The following ZNF292 variants were observed in gnomAD, a reference collection of about 807,000 sequenced individuals.
ZNF292 encodes the protein zinc finger protein 292.
ZNF292 carries 26 observed loss-of-function variants against 217.9 expected under a neutral mutation model. That is an observed-to-expected ratio of 0.12 (90% confidence interval 0.09 to 0.17). The LOEUF (loss-of-function observed/expected upper bound fraction) is 0.17, where lower values mean the gene tolerates loss of function less well. Ranked by LOEUF, ZNF292 falls within the 10% of genes least tolerant of loss-of-function variation. The pLI, the probability that ZNF292 is intolerant of heterozygous loss-of-function variation, is 1.00. For synonymous variants in ZNF292, 1,257 were observed against 1,124.1 expected (o/e 1.12, Z -2.37); for missense variants, 2,904 against 3,175.2 (o/e 0.91, Z 2.05).
intron 1 of ZNF292, among the ~76,000 whole-genome samples, chr6:87,191,111 T>A (rs1013022698): frequency 2.0e-5 from 3 of 152,166 alleles, no homozygotes; most frequent in African/African-American, 7.2e-5. Flanking sequence ...TGGTCATGAT[T>A]CCATATCAGT....
chr6:87,215,800 A>T, intron 1 of ZNF292, 103 bp from the exon 2 acceptor site: 1 of 815,970 alleles, frequency 1.2e-6, no homozygotes. Context: ...TTTTATAAAT[A>T]AAAATCTGTA....
chr6:87,258,307 T>C lies in ZNF292; in HGVS notation c.4678T>C (p.Ser1560Pro). 1 of 1,613,546 alleles carries C rather than the reference T, an allele frequency of 6.2e-7. No individual in the cohort carries two copies. Among genetic ancestry groups the C allele is most frequent in the Non-Finnish European group, 8.5e-7 (1 of 1,179,752 alleles). ...QNRTSNSKTS[S>P]IEECSSLPVF... ...TAGGACGTCAAACTCCAAAACTTCC[T>C]CCATTGAGGAATGTAGCAGCTTGCC... is the stretch of plus-strand genomic sequence containing the variant. The change falls in exon 8 of 8, where the codon TCC (serine) becomes CCC (proline). Residue 1560 changes from serine to proline, a missense_variant. By Grantham distance (74) the Ser-to-Pro change is moderately conservative. This residue lies in a region of ZNF292 where 622 missense variants were observed against 573.1 expected (regional missense o/e 1.09). Transcript: ENST00000369577.
chr6:87,159,479 C>G (rs1000408027), intron 1 of ZNF292, among the ~76,000 whole-genome samples: 4 of 148,324 alleles, frequency 2.7e-5, no homozygotes, highest in African/African-American at 9.9e-5. Context: ...CCTCCTGTCT[C>G]AGCTTTCTTT....
chr6:87,253,306 G>A (rs1775032251), intron 7 of ZNF292, among the ~76,000 whole-genome samples: 2 of 143,942 alleles, frequency 1.4e-5, no homozygotes, highest in Non-Finnish European at 3.0e-5. Context: ...TCTGCTCACT[G>A]CAGCCTCAGC....
At chr6:87,211,368 T>C (rs1185957513) in intron 1 of ZNF292, among the ~76,000 whole-genome samples, 2 of 152,218 alleles carry the variant, frequency 1.3e-5, no homozygotes, top group East Asian at 3.9e-4. Flanking sequence ...ATTTGTGAAT[T>C]TGGCTAATTT....
intron 1 of ZNF292, among the ~76,000 whole-genome samples, chr6:87,214,813 C>A (rs1186613226): frequency 6.6e-6 from 1 of 152,056 alleles, no homozygotes; most frequent in East Asian, 1.9e-4. Flanking sequence ...CTATTGCTTT[C>A]GTCTAATCAC....
chr6:87,164,136 A>G (rs978428775), intron 1 of ZNF292, among the ~76,000 whole-genome samples: 2 of 152,182 alleles, frequency 1.3e-5, no homozygotes, highest in Admixed American at 6.5e-5. Flanking sequence ...ACTGTTCACA[A>G]GTCAGTGGGT....
At chr6:87,250,033 A>C (rs924411762) in intron 7 of ZNF292, among the ~76,000 whole-genome samples, 3 of 144,000 alleles carry the variant, frequency 2.1e-5, no homozygotes, top group East Asian at 2.0e-4. Flanking sequence ...TAAAAAAAAA[A>C]AAACAAAAAA....
intron 1 of ZNF292, among the ~76,000 whole-genome samples, chr6:87,180,391 G>A (rs1185348296): frequency 1.3e-5 from 2 of 151,588 alleles, no homozygotes; most frequent in Admixed American, 6.6e-5. Flanking sequence ...GTGTGGCTAT[G>A]GATATCCAGG....
At chr6:87,206,652 A>C (rs1351958366) in intron 1 of ZNF292, among the ~76,000 whole-genome samples, 1 of 152,192 alleles carries the variant, frequency 6.6e-6, no homozygotes, top group African/African-American at 2.4e-5. Flanking sequence ...CATTTGTCCC[A>C]ATAATATTCT....
chr6:87,247,659 T>C (rs1264447715), intron 7 of ZNF292, among the ~76,000 whole-genome samples: 1 of 152,216 alleles, frequency 6.6e-6, no homozygotes, highest in Non-Finnish European at 1.5e-5. Flanking sequence ...AAAGCCCTGC[T>C]TTAACATGAG....
chr6:87,165,013 T>G (rs751311177), intron 1 of ZNF292, among the ~76,000 whole-genome samples: 51 of 151,780 alleles, frequency 3.4e-4, no homozygotes, highest in Non-Finnish European at 6.0e-4. Flanking sequence ...TCCGCCCGCC[T>G]CAGCCTCCCA....
At chr6:87,226,465 T>G (rs1431702239) in intron 4 of ZNF292, among the ~76,000 whole-genome samples, 1 of 151,628 alleles carries the variant, frequency 6.6e-6, no homozygotes, top group Non-Finnish European at 1.5e-5. Flanking sequence ...GTAAATAGGG[T>G]GAGGTCAGAT....
intron 2 of ZNF292, 40 bp downstream of exon 2, chr6:87,216,097 A>G (rs576941117): frequency 7.2e-7 from 1 of 1,385,004 alleles, no homozygotes; most frequent in East Asian, 2.3e-5. Context: ...ATTTAGCTTT[A>G]AAAATACATA....
rs146758350 is a variant in ZNF292, at chr6:87,198,793, G to A, written c.169-17110G>A. Among the ~76,000 whole-genome samples the A allele has an allele frequency of 1.7e-3, 260 of 152,306 alleles. 2 individuals are homozygous for A. The highest frequency in any genetic ancestry group is 5.3e-3 in the African/African-American group (219 of 41,580). On this transcript the variant is annotated intron_variant, in intron 1 of 7. Transcript: ENST00000369577. ...CCTTGGGTTGCGTCTCATAAACACA[G>A]CAGAATACATGAATATTCTTACTAA...
intron 1 of ZNF292, among the ~76,000 whole-genome samples, chr6:87,179,640 C>T (rs908045654): frequency 2.6e-5 from 4 of 151,914 alleles, no homozygotes; most frequent in Non-Finnish European, 5.9e-5. Context: ...TATACTATTT[C>T]GGCTTATATA....
At position 87,185,821 on chromosome 6, in the gene ZNF292, TA is replaced by T. The variant is rs1338657709; in HGVS notation, c.168+30063del. 3.9e-5 allele frequency among the ~76,000 whole-genome samples: 6 copies of T among 152,252 alleles called. No homozygotes were observed. In the East Asian group the frequency reaches 1.2e-3, roughly 29 times the overall value. ...ATTTTTTAAACATTTGCTAATTTAT[TA>T]TAAAGGATTTTACAAAGTATTGACA... On this transcript the variant is annotated intron_variant, in intron 1 of 7. Transcript: ENST00000369577.
chr6:87,241,651 C>T (rs576169847), intron 5 of ZNF292, among the ~76,000 whole-genome samples: 16 of 152,260 alleles, frequency 1.1e-4, no homozygotes, highest in Non-Finnish European at 1.9e-4. Flanking sequence ...AACTCCTGAC[C>T]TCAGGTGATC....
rs1324359795 is a variant in ZNF292 at position 87,263,017 on chromosome 6, G to T, written c.*1216G>T. 3.3e-5 allele frequency: 5 copies of T among 151,982 alleles called. No individual in the cohort carries two copies. Among genetic ancestry groups the T allele is most frequent in the African/African-American group, 1.2e-4 (5 of 41,436 alleles). The allele number at this position is 151,982 out of a possible 1,614,324, so 9.4% of individuals were successfully genotyped here. A position where few individuals can be genotyped will look rare whatever the true frequency, so the allele number is the denominator to read the frequency against. ...CTGTTTATAGATGTTAGATTGTACA[G>T]ATTTGTCTGTATTTCTCACCATATC... On this transcript the variant is annotated 3_prime_UTR_variant, in exon 8 of 8. Transcript: ENST00000369577.
Sources: allele counts gnomAD v4.1 joint callset (sites outside exome capture counted in the v4.1 genomes callset), GRCh38; gene constraint gnomAD v4.1.1; regional missense constraint gnomAD v4.1.1; transcripts MANE v1.5; gene names NCBI Gene and HGNC (gene_info 2026-07-23, HGNC 2026-07-21).